The following TNFRSF8 variants were observed in gnomAD, a reference collection of about 807,000 sequenced individuals.
The protein encoded by TNFRSF8 is tumor necrosis factor receptor superfamily member 8.
A neutral mutation model predicts 70.8 loss-of-function variants in TNFRSF8; 26 were observed. The observed-to-expected ratio is 0.37, with a 90% CI of 0.27 to 0.51. The LOEUF (loss-of-function observed/expected upper bound fraction) is 0.51, where lower values mean the gene tolerates loss of function less well. TNFRSF8 is among the 20% of genes least tolerant of loss of function. TNFRSF8 has a pLI of 0.94. For synonymous variants in TNFRSF8, 356 were observed against 339.2 expected (o/e 1.05, Z -0.54); for missense variants, 720 against 807.9 (o/e 0.89, Z 1.32).
chr1:12,064,349 G>C (rs1190933900), intron 1 of TNFRSF8, among the ~76,000 whole-genome samples: 1 of 152,204 alleles, frequency 6.6e-6, no homozygotes. Context: ...GGAAAACTGA[G>C]CACTTACCAG....
intron 3 of TNFRSF8, 132 bp downstream of exon 3, chr1:12,097,349 C>G (rs1641349017): frequency 1.6e-6 from 1 of 607,314 alleles, no homozygotes; most frequent in Non-Finnish European, 3.0e-6. Context: ...CTCCTGGTGC[C>G]TCAGTTTACC....
intron 3 of TNFRSF8, among the ~76,000 whole-genome samples, chr1:12,098,375 G>C (rs1049790322): frequency 1.3e-5 from 2 of 152,022 alleles, no homozygotes; most frequent in African/African-American, 4.8e-5. Context: ...GCAATACAAA[G>C]AGTGTAAGGA....
chr1:12,136,968 T>C (rs1486326150), intron 13 of TNFRSF8, among the ~76,000 whole-genome samples: 1 of 149,184 alleles, frequency 6.7e-6, no homozygotes, highest in African/African-American at 2.5e-5. Flanking sequence ...CATAGGACAA[T>C]AGTGGAGGGA....
In TNFRSF8 at chr1:12,113,266, T is replaced by A. The variant is rs1641663466; in HGVS notation, c.793+1252T>A. 6.6e-6 allele frequency among the ~76,000 whole-genome samples: 1 copy of A among 152,208 alleles called. No individual in the cohort carries two copies. Among genetic ancestry groups the A allele is most frequent in the Non-Finnish European group, 1.5e-5 (1 of 68,032 alleles). ...TTGGTTCCCTTCCATGTCGGCCTCT[T>A]CGTGTCTTACCTGGGGCTTCCTCAT... On this transcript the variant is annotated intron_variant, in intron 7 of 14. Coordinates refer to ENST00000263932, the MANE Select transcript of TNFRSF8 (RefSeq NM_001243.5). The surrounding 1 kb of genome is among the most constrained non-coding windows in gnomAD (Gnocchi z 4.9).
chr1:12,069,159 C>T (rs1157089409), intron 1 of TNFRSF8, among the ~76,000 whole-genome samples: 1 of 147,100 alleles, frequency 6.8e-6, no homozygotes, highest in East Asian at 2.0e-4. Context: ...GCATGAGCCA[C>T]TGCACCCGGC....
chr1:12,098,291 A>G (rs1641364957), intron 3 of TNFRSF8, among the ~76,000 whole-genome samples: 2 of 152,222 alleles, frequency 1.3e-5, no homozygotes, highest in African/African-American at 4.8e-5. Flanking sequence ...TATCTGGTGT[A>G]TCTTTGAATT....
At chr1:12,084,190 G>A (rs1569999216) in intron 1 of TNFRSF8, among the ~76,000 whole-genome samples, 1 of 152,176 alleles carries the variant, frequency 6.6e-6, no homozygotes, top group Non-Finnish European at 1.5e-5. Context: ...CCCAGGTGAA[G>A]GTGGTGATGA....
chr1:12,136,238 G>A (rs1201106808), intron 13 of TNFRSF8, among the ~76,000 whole-genome samples: 1 of 152,190 alleles, frequency 6.6e-6, no homozygotes. Context: ...GCTTGGATGT[G>A]ACAAGTGGCT....
At chr1:12,075,400 A>G (rs1302953773) in intron 1 of TNFRSF8, among the ~76,000 whole-genome samples, 3 of 151,988 alleles carry the variant, frequency 2.0e-5, no homozygotes, top group Non-Finnish European at 4.4e-5. Context: ...TCTGCCTATC[A>G]TCTGTTACCA....
At chr1:12,087,035 C>T (rs907150131) in intron 2 of TNFRSF8, among the ~76,000 whole-genome samples, 1 of 151,232 alleles carries the variant, frequency 6.6e-6, no homozygotes, top group Non-Finnish European at 1.5e-5. Flanking sequence ...CCCATCCATA[C>T]ACCCACCCCT....
chr1:12,089,117 A>G (rs1570007877), intron 2 of TNFRSF8, among the ~76,000 whole-genome samples: 2 of 151,884 alleles, frequency 1.3e-5, no homozygotes, highest in Admixed American at 1.3e-4. Flanking sequence ...AGAAATAAAC[A>G]TTTGTTGGAT....
At position 12,113,549 on chromosome 1, in the gene TNFRSF8, GAGAGAGAAAGAGAGAGAC is replaced by G. The variant is rs1641669815; in HGVS notation, c.793+1549_793+1566del. Among the ~76,000 whole-genome samples the G allele has an allele frequency of 6.6e-6, 1 of 151,262 alleles. No individual in the cohort carries two copies. The highest frequency in any genetic ancestry group is 1.5e-5 in the Non-Finnish European group (1 of 67,910). ...ACAGAAAGAGGGAGAGAAAGAGTGA[GAGAGAGAAAGAGAGAGAC>G]AGAGAGAAAGAGACAGAATGAGAGG... is the stretch of plus-strand genomic sequence containing the variant. On this transcript the variant is annotated intron_variant, in intron 7 of 14. Transcript: ENST00000263932. The surrounding 1 kb of genome is among the most constrained non-coding windows in gnomAD (Gnocchi z 4.9).
intron 1 of TNFRSF8, among the ~76,000 whole-genome samples, chr1:12,065,079 T>A (rs935018136): frequency 7.4e-5 from 4 of 53,706 alleles, no homozygotes; most frequent in Admixed American, 2.5e-4. Flanking sequence ...ATACCAAACC[T>A]TTTTTTTTTT....
Position 12,088,534 on chromosome 1 carries a change from G to T in TNFRSF8, c.151+3983G>T, listed in dbSNP as rs1641192970. On this transcript the variant is annotated intron_variant, in intron 2 of 14. Transcript: ENST00000263932. This position sits in a 1 kb window ranked among gnomAD's most constrained non-coding sequence, Gnocchi z 4.0. ...GGAGGCAGAAGAGTTTACGAGTGAA[G>T]AGCTAATGCGGGGGCTACAAAGCCC... Among the ~76,000 whole-genome samples the T allele has an allele frequency of 6.6e-6, 1 of 152,132 alleles. No homozygotes were observed. Among genetic ancestry groups the T allele is most frequent in the African/African-American group, 2.4e-5 (1 of 41,442 alleles).
At chr1:12,140,698 C>A (rs1642236038) in intron 14 of TNFRSF8, among the ~76,000 whole-genome samples, 1 of 152,222 alleles carries the variant, frequency 6.6e-6, no homozygotes, top group African/African-American at 2.4e-5. Flanking sequence ...CCAGTTAATT[C>A]CAGATTTCCT....
At chr1:12,115,169 T>C (rs1641705215) in intron 7 of TNFRSF8, among the ~76,000 whole-genome samples, 1 of 152,168 alleles carries the variant, frequency 6.6e-6, no homozygotes, top group Non-Finnish European at 1.5e-5. Flanking sequence ...GGACTTTCTT[T>C]TAACAGCTTT....
At chr1:12,068,215 C>T (rs1013358972) in intron 1 of TNFRSF8, among the ~76,000 whole-genome samples, 7 of 152,184 alleles carry the variant, frequency 4.6e-5, no homozygotes, top group African/African-American at 1.7e-4. Context: ...ATGACTGTGT[C>T]TGGCCCGGGG....
intron 7 of TNFRSF8, among the ~76,000 whole-genome samples, chr1:12,115,281 A>G (rs563730978): frequency 6.6e-5 from 10 of 152,170 alleles, no homozygotes; most frequent in Non-Finnish European, 1.3e-4. Context: ...ATCCCCCTCT[A>G]AAAGTTACCT....
At position 12,123,384 on chromosome 1, in the gene TNFRSF8, C is replaced by T. The variant is rs1325933189; in HGVS notation, c.1040+7C>T. On this transcript the variant is annotated splice_region_variant and intron_variant, in intron 9 of 14. Transcript: ENST00000263932. ...ATGGCGAGGCGCCTGCCAGGTGACTCCCCCACCCCTTCTCTCTGTTTGGCT... is the reference window on the plus strand; with the variant it reads ...ATGGCGAGGCGCCTGCCAGGTGACTTCCCCACCCCTTCTCTCTGTTTGGCT... 9.4e-6 allele frequency: 15 copies of T among 1,601,584 alleles called. No individual in the cohort carries two copies. Among genetic ancestry groups the T allele is most frequent in the Non-Finnish European group, 1.2e-5 (14 of 1,174,196 alleles).
Sources: gnomAD v4.1 joint callset for allele counts (sites outside exome capture counted in the v4.1 genomes callset) on GRCh38, gnomAD v4.1.1 for gene constraint, Gnocchi (gnomAD v3.1) non-coding constraint, MANE v1.5 for transcripts, NCBI Gene and HGNC (gene_info 2026-07-23, HGNC 2026-07-21) for gene names.